Variants in ARHGEF33 observed in about 807,000 individuals in gnomAD.
ARHGEF33 encodes Rho guanine nucleotide exchange factor 33.
Under a neutral mutation model 101.9 loss-of-function variants are expected in ARHGEF33, and 72 were observed. The observed-to-expected ratio is 0.71, with a 90% confidence interval of 0.58 to 0.86. The LOEUF (loss-of-function observed/expected upper bound fraction) is 0.86, where lower values mean the gene tolerates loss of function less well. Among genes scored for constraint, ARHGEF33 ranks in the 40% least tolerant of loss-of-function variants. The pLI is 0.00. For missense variants in ARHGEF33, 1,169 were observed against 1,111.3 expected (o/e 1.05, Z -0.74); for synonymous variants, 499 against 442.5 (o/e 1.13, Z -1.60).
chr2:38,908,786 T>G (rs6544180), intron 2 of ARHGEF33, among the ~76,000 whole-genome samples: 1 of 152,028 alleles, frequency 6.6e-6, no homozygotes, highest in Non-Finnish European at 1.5e-5. Context: ...AGCCTGCTCT[T>G]TCTTGGTTTT....
intron 17 of ARHGEF33, among the ~76,000 whole-genome samples, chr2:38,966,964 A>AT (rs1376873287): frequency 2.0e-4 from 30 of 152,082 alleles, no homozygotes; most frequent in Admixed American, 1.8e-3. Flanking sequence ...CCTTAGAGAG[A>AT]TTTTTCCTGC....
At chr2:38,936,281 C>T (rs984542758) in intron 8 of ARHGEF33, among the ~76,000 whole-genome samples, 1 of 152,188 alleles carries the variant, frequency 6.6e-6, no homozygotes, top group Non-Finnish European at 1.5e-5. Flanking sequence ...AAAGGATTTA[C>T]TTAATTGACA....
At chr2:38,932,615 T>C (rs181168668) in intron 7 of ARHGEF33, among the ~76,000 whole-genome samples, 23 of 152,254 alleles carry the variant, frequency 1.5e-4, no homozygotes, top group Admixed American at 1.4e-3. Flanking sequence ...GAGTATAGTA[T>C]AGGATAGGCT....
intron 10 of ARHGEF33, among the ~76,000 whole-genome samples, chr2:38,947,807 C>T (rs1035148670): frequency 2.6e-5 from 4 of 152,124 alleles, no homozygotes; most frequent in Non-Finnish European, 4.4e-5. Flanking sequence ...ACCAAGAGCT[C>T]AACAAGCTTC....
intron 5 of ARHGEF33, among the ~76,000 whole-genome samples, chr2:38,929,360 G>T (rs567151589): frequency 1.3e-5 from 2 of 152,032 alleles, no homozygotes; most frequent in Non-Finnish European, 2.9e-5. Context: ...GCCAGGAAGT[G>T]GAGGTTGTAG....
chr2:38,925,353 A>T (rs796951493), intron 4 of ARHGEF33, among the ~76,000 whole-genome samples: 8 of 152,352 alleles, frequency 5.3e-5, no homozygotes, highest in African/African-American at 1.9e-4. Context: ...CAAAACTGCC[A>T]TTGAAAGTTT....
At chr2:38,901,542 A>G (rs971410450) in intron 2 of ARHGEF33, among the ~76,000 whole-genome samples, 3 of 152,296 alleles carry the variant, frequency 2.0e-5, no homozygotes, top group East Asian at 1.9e-4. Context: ...GAAGACCTTT[A>G]CATCTGGACT....
intron 3 of ARHGEF33, 112 bp from the exon 4 acceptor site, chr2:38,921,262 C>A: frequency 1.5e-6 from 1 of 688,762 alleles, no homozygotes. Context: ...GGTTTCTTGT[C>A]GTGCGGGCAC....
At chr2:38,893,787 T>A (rs538886113) in intron 1 of ARHGEF33, among the ~76,000 whole-genome samples, 12 of 152,356 alleles carry the variant, frequency 7.9e-5, no homozygotes, top group African/African-American at 2.9e-4. Context: ...CCTAAAAACT[T>A]AATTTTAGCC....
intron 4 of ARHGEF33, among the ~76,000 whole-genome samples, chr2:38,927,332 A>G (rs1451111270): frequency 4.6e-5 from 7 of 152,240 alleles, no homozygotes; most frequent in South Asian, 2.1e-4. Context: ...TATTCTGAAA[A>G]TGTTCAGAAA....
At chr2:38,935,897 T>G in intron 8 of ARHGEF33, 63 bp downstream of exon 8, 1 of 1,291,074 alleles carries the variant, frequency 7.7e-7, no homozygotes, top group Non-Finnish European at 1.1e-6. Flanking sequence ...CACTTCTATC[T>G]TCCCTGCTTC....
chr2:38,922,101 C>G (rs1404303320), intron 4 of ARHGEF33, among the ~76,000 whole-genome samples: 2 of 152,058 alleles, frequency 1.3e-5, no homozygotes, highest in African/African-American at 4.8e-5. Flanking sequence ...CTTCTGTCTC[C>G]CAACTGTAAA....
intron 2 of ARHGEF33, among the ~76,000 whole-genome samples, chr2:38,911,292 C>T (rs1053183318): frequency 3.9e-5 from 6 of 152,176 alleles, no homozygotes; most frequent in Admixed American, 3.9e-4. Flanking sequence ...TTCCTCATCA[C>T]CCTCCCCCCA....
Position 38,951,128 on chromosome 2 carries a change from T to G in ARHGEF33, c.1053+7T>G, listed in dbSNP as rs1442836423. The G allele has an allele frequency of 6.4e-7, 1 of 1,551,142 alleles. No homozygotes were observed. Among genetic ancestry groups the G allele is most frequent in the Admixed American group, 2.0e-5 (1 of 50,946 alleles). On this transcript the variant is annotated splice_region_variant and intron_variant, in intron 11 of 17. Transcript: ENST00000409978. ...TAAGTTAACAAATGACGAGGTAAGG[T>G]TTTTTCTGCCCCTCTATACATTTTA... is the stretch of plus-strand genomic sequence containing the variant.
chr2:38,937,366 A>T lies in ARHGEF33; in HGVS notation c.597A>T (p.Glu199Asp). 7.5e-7 allele frequency: 1 copy of T among 1,328,512 alleles called. No individual in the cohort carries two copies. Among genetic ancestry groups the T allele is most frequent in the Non-Finnish European group, 9.9e-7 (1 of 1,008,518 alleles). 82.3% of individuals were successfully genotyped at this position (1,328,512 alleles called of 1,614,324 possible). ...GVNPTTPEAE[E>D]NLKSCLSADI... Reference sequence around the variant, plus strand: ...ACCCAACAACTCCAGAAGCAGAAGAAAACCTCAAGTCTTGCCTCTCGGCTG... The same window carrying T: ...ACCCAACAACTCCAGAAGCAGAAGATAACCTCAAGTCTTGCCTCTCGGCTG... The change falls in exon 9 of 18, where the codon GAA (glutamate) becomes GAT (aspartate). Residue 199 changes from glutamate to aspartate, a missense_variant. Transcript: ENST00000409978.
intron 17 of ARHGEF33, among the ~76,000 whole-genome samples, chr2:38,971,567 C>T (rs2124434427): frequency 6.6e-6 from 1 of 152,290 alleles, no homozygotes; most frequent in South Asian, 2.1e-4. Context: ...TACTTCAGAG[C>T]CTAATGGCCA....
At chr2:38,891,418 T>A (rs1309000494) in intron 1 of ARHGEF33, among the ~76,000 whole-genome samples, 1 of 152,118 alleles carries the variant, frequency 6.6e-6, no homozygotes, top group East Asian at 1.9e-4. Flanking sequence ...CCTTTCTTTT[T>A]CTTTAATGAC....
At chr2:38,936,620 C>G (rs1414429830) in intron 8 of ARHGEF33, among the ~76,000 whole-genome samples, 3 of 152,062 alleles carry the variant, frequency 2.0e-5, no homozygotes, top group African/African-American at 7.2e-5. Context: ...ACTTTTAATC[C>G]TTAATTGGTA....
chr2:38,958,706 T>C (rs1247866579), intron 15 of ARHGEF33, among the ~76,000 whole-genome samples: 1 of 27,220 alleles, frequency 3.7e-5, no homozygotes, highest in Non-Finnish European at 8.2e-5. Flanking sequence ...TATATTTGCA[T>C]TGTTTTTATT....
Sources: allele counts gnomAD v4.1 joint callset (sites outside exome capture counted in the v4.1 genomes callset), GRCh38; gene constraint gnomAD v4.1.1; transcripts MANE v1.5; gene names NCBI Gene and HGNC (gene_info 2026-07-23, HGNC 2026-07-21).